Variants in DOCK8 observed in about 807,000 individuals in gnomAD.
The protein encoded by DOCK8 is dedicator of cytokinesis 8.
DOCK8 carries 141 observed loss-of-function variants against 245.6 expected under a neutral mutation model. That is an observed-to-expected ratio of 0.57 (90% CI 0.50 to 0.66). The LOEUF (loss-of-function observed/expected upper bound fraction) is 0.66. Among genes scored for constraint, DOCK8 ranks in the 30% least tolerant of loss-of-function variants. DOCK8 has a pLI of 0.00. For synonymous variants in DOCK8, 1,168 were observed against 970.2 expected (o/e 1.20, Z -3.79); for missense variants, 2,965 against 2,603.4 (o/e 1.14, Z -3.02).
intron 35 of DOCK8, among the ~76,000 whole-genome samples, chr9:428,725 A>T (rs1036103997): frequency 6.6e-6 from 1 of 152,200 alleles, no homozygotes; most frequent in African/African-American, 2.4e-5. Flanking sequence ...TAACTCTAGA[A>T]GTTTAAAATG....
At chr9:369,924 C>T (rs1447050773) in intron 15 of DOCK8, 2 of 380,144 alleles carry the variant, frequency 5.3e-6, no homozygotes, top group African/African-American at 4.1e-5. Flanking sequence ...GCCTCCGCCC[C>T]CTGAGTAGCA....
At chr9:239,616 T>C (rs2047335824) in intron 1 of DOCK8, among the ~76,000 whole-genome samples, 1 of 152,180 alleles carries the variant, frequency 6.6e-6, no homozygotes, top group South Asian at 2.1e-4. Flanking sequence ...GAAGAATAGC[T>C]TCTTATTACA....
intron 23 of DOCK8, among the ~76,000 whole-genome samples, chr9:388,346 G>A (rs75908032): frequency 0.027 from 4,131 of 152,186 alleles, 162 homozygotes; most frequent in African/African-American, 0.094. Flanking sequence ...CTCACAAAAC[G>A]AAGTGAAACC....
chr9:376,553 G>A (rs994970954), intron 19 of DOCK8, among the ~76,000 whole-genome samples: 7 of 151,950 alleles, frequency 4.6e-5, no homozygotes, highest in Non-Finnish European at 1.0e-4. Context: ...AACTTTGCAG[G>A]GGGACTTGAT....
chr9:352,106 C>G (rs2052199539), intron 14 of DOCK8, among the ~76,000 whole-genome samples: 1 of 152,050 alleles, frequency 6.6e-6, no homozygotes, highest in Non-Finnish European at 1.5e-5. Flanking sequence ...CACAGCAAGC[C>G]TAGAACTCGG....
chr9:453,816 A>C (rs2057540787), intron 46 of DOCK8, among the ~76,000 whole-genome samples: 3 of 152,110 alleles, frequency 2.0e-5, no homozygotes, highest in Admixed American at 6.6e-5. Flanking sequence ...GGCTTAAAAA[A>C]ATTTTTTTTC....
intron 9 of DOCK8, among the ~76,000 whole-genome samples, chr9:330,766 C>G (rs2130847118): frequency 6.6e-6 from 1 of 152,290 alleles, no homozygotes; most frequent in Middle Eastern, 3.4e-3. Context: ...CTTATTTGCC[C>G]TACTTTCCAT....
At chr9:360,265 G>A (rs2131106189) in intron 14 of DOCK8, among the ~76,000 whole-genome samples, 1 of 150,944 alleles carries the variant, frequency 6.6e-6, no homozygotes, top group Middle Eastern at 3.4e-3. Context: ...GCAGTTAGCT[G>A]AGATCATGCC....
At chr9:428,764 A>G (rs1188421437) in intron 35 of DOCK8, among the ~76,000 whole-genome samples, 5 of 152,178 alleles carry the variant, frequency 3.3e-5, no homozygotes, top group African/African-American at 1.2e-4. Flanking sequence ...ATGACATGAG[A>G]ACAGAGATCA....
chr9:413,169 T>G (rs987039718), intron 28 of DOCK8, among the ~76,000 whole-genome samples: 2 of 152,138 alleles, frequency 1.3e-5, no homozygotes, highest in Admixed American at 1.3e-4. Context: ...GAAAATAGAA[T>G]TTTCAATAAA....
chr9:381,986 A>G (rs576306889), intron 21 of DOCK8, among the ~76,000 whole-genome samples: 410 of 152,106 alleles, frequency 2.7e-3, no homozygotes, highest in African/African-American at 9.5e-3. Context: ...AAATAGTAAT[A>G]TCTCATAGAT....
chr9:396,038 T>C (rs931417276), intron 24 of DOCK8, among the ~76,000 whole-genome samples: 1 of 152,138 alleles, frequency 6.6e-6, no homozygotes, highest in African/African-American at 2.4e-5. Context: ...ATACTAGATA[T>C]AGATAGATAA....
At chr9:284,783 C>T (rs1012851705) in intron 2 of DOCK8, among the ~76,000 whole-genome samples, 4 of 152,144 alleles carry the variant, frequency 2.6e-5, no homozygotes, top group African/African-American at 4.8e-5. Context: ...GAGATCATGC[C>T]TTTTGTGGGA....
chr9:262,167 T>G (rs1396202243), intron 1 of DOCK8, among the ~76,000 whole-genome samples: 19 of 152,024 alleles, frequency 1.2e-4, no homozygotes, highest in Admixed American at 1.2e-3. Context: ...GAAATGCAAA[T>G]TAAAAACACA....
rs75722253 is a variant in DOCK8, at chr9:358,948, C to T, written c.1680-9070C>T. Among the ~76,000 whole-genome samples, 842 of 152,342 alleles carry T rather than the reference C, an allele frequency of 5.5e-3. 6 individuals carry two copies. Among genetic ancestry groups the T allele is most frequent in the African/African-American group, 0.019 (809 of 41,568 alleles). Reference sequence around the variant, plus strand: ...ACAATGAACGATAAGATTCATATATCTGCCAATTTAAAAACAAACCAGTTC... The same window carrying T: ...ACAATGAACGATAAGATTCATATATTTGCCAATTTAAAAACAAACCAGTTC... On this transcript the variant is annotated intron_variant, in intron 14 of 47. Coordinates refer to ENST00000432829, the MANE Select transcript of DOCK8 (RefSeq NM_203447.4).
chr9:295,935 T>C (rs1315993259), intron 4 of DOCK8, among the ~76,000 whole-genome samples: 2 of 152,202 alleles, frequency 1.3e-5, no homozygotes, highest in Non-Finnish European at 2.9e-5. Flanking sequence ...TTTTTAGATT[T>C]CCTTTTAAAC....
Position 399,195 on chromosome 9 carries a change from A to G in DOCK8, c.3170A>G (p.Tyr1057Cys). The G allele has an allele frequency of 6.2e-7, 1 of 1,614,028 alleles. No homozygotes were observed. Among genetic ancestry groups the G allele is most frequent in the East Asian group, 2.2e-5 (1 of 44,882 alleles). ...AACATCAGCCTGGCTTTCTTCTTGTATGACCTTCTCTCCCTCATGGATCGG... is the reference window on the plus strand; with the variant it reads ...AACATCAGCCTGGCTTTCTTCTTGTGTGACCTTCTCTCCCTCATGGATCGG... Reference protein sequence around the residue: ...KMNISLAFFLYDLLSLMDRGF... With the variant: ...KMNISLAFFLCDLLSLMDRGF... Residue 1057 changes from tyrosine to cysteine, a missense_variant, in exon 26 of 48, where the codon TAT becomes TGT. Coordinates refer to ENST00000432829, the MANE Select transcript of DOCK8 (RefSeq NM_203447.4).
rs769920758 is a variant in DOCK8, at chr9:441,875, G to A, written c.5356G>A (p.Asp1786Asn). 8.7e-6 allele frequency: 14 copies of A among 1,613,988 alleles called. No homozygotes were observed. Among genetic ancestry groups the A allele is most frequent in the Non-Finnish European group, 1.2e-5 (14 of 1,180,034 alleles). ...QRAFDSIVNKDHKRMFGTYFR... is the reference protein window; with the variant it reads ...QRAFDSIVNKNHKRMFGTYFR... ...GAGCTTTTTATATTTTGTTCCTCAG[G>A]ATCATAAGAGAATGTTTGGAACCTA... The change falls in exon 42 of 48, where the codon GAT becomes AAT. Residue 1786 changes from aspartate (D) to asparagine (N), a missense_variant and splice_region_variant. By Grantham distance (23) the Asp-to-Asn change is conservative. Coordinates refer to ENST00000432829, the MANE Select transcript of DOCK8 (RefSeq NM_203447.4).
chr9:460,712 A>ATTCCATG (rs1279499414), intron 46 of DOCK8, among the ~76,000 whole-genome samples: 2 of 152,240 alleles, frequency 1.3e-5, no homozygotes, highest in Admixed American at 1.3e-4. Context: ...TAGCAGGCTA[A>ATTCCATG]TTCCATGATG....
Sources: gnomAD v4.1 joint callset for allele counts (sites outside exome capture counted in the v4.1 genomes callset) on GRCh38, gnomAD v4.1.1 for gene constraint, MANE v1.5 for transcripts, NCBI Gene and HGNC (gene_info 2026-07-23, HGNC 2026-07-21) for gene names.